Variants in DENND4C observed in about 807,000 individuals in gnomAD.
DENND4C encodes the protein DENN domain-containing protein 4C.
In DENND4C, 108 loss-of-function variants were observed where a neutral mutation model predicts 203.0. The ratio of observed to expected loss-of-function variants is 0.53; its 90% CI spans 0.46 to 0.62. The LOEUF (loss-of-function observed/expected upper bound fraction) is 0.62, where lower values mean the gene tolerates loss of function less well. Among genes scored for constraint, DENND4C ranks in the 20% least tolerant of loss-of-function variants. The probability of loss-of-function intolerance (pLI) is 0.00; values close to 1 mark genes in which losing one functional copy is unlikely to be tolerated. For synonymous variants in DENND4C, 871 were observed against 792.4 expected (o/e 1.10, Z -1.67); for missense variants, 2,481 against 2,301.2 (o/e 1.08, Z -1.60).
chr9:19,373,963 A>G lies in DENND4C; in HGVS notation c.*1790A>G, dbSNP rs900515422. Among the ~76,000 whole-genome samples, 5 of 152,202 alleles carry G rather than the reference A, an allele frequency of 3.3e-5. No individual in the cohort carries two copies. Among genetic ancestry groups the G allele is most frequent in the African/African-American group, 9.6e-5 (4 of 41,460 alleles). ...TGAAACAATTTGTCAGAAATTATGT[A>G]CAATTTTCATTACCTTCAAAATGGA... is the stretch of plus-strand genomic sequence containing the variant. On this transcript the variant is annotated 3_prime_UTR_variant, in exon 33 of 33. Transcript: ENST00000434457.
At chr9:19,279,337 G>T (rs894326356) in intron 2 of DENND4C, among the ~76,000 whole-genome samples, 1 of 151,434 alleles carries the variant, frequency 6.6e-6, no homozygotes, top group East Asian at 2.0e-4. Context: ...GCTGAGGTGG[G>T]AGGAGGATTG....
intron 9 of DENND4C, among the ~76,000 whole-genome samples, chr9:19,302,171 T>C (rs2131335871): frequency 6.6e-6 from 1 of 152,326 alleles, no homozygotes; most frequent in South Asian, 2.1e-4. Context: ...TTATAAGTCA[T>C]GATTTGGTAG....
intron 26 of DENND4C, 138 bp from the exon 27 acceptor site, chr9:19,356,834 A>G (rs1351156653): frequency 1.3e-6 from 1 of 749,624 alleles, no homozygotes; most frequent in African/African-American, 1.8e-5. Context: ...TGTATTGGAA[A>G]TAGGCCGTGT....
Position 19,330,517 on chromosome 9 carries a change from T to A in DENND4C, c.2254-1461T>A, listed in dbSNP as rs1429948248. ...AACACGCCCAACTAATTTTTGTATT[T>A]TTAGTAGAGACAGGGCTTTACCATG... On this transcript the variant is annotated intron_variant, in intron 16 of 32. Coordinates refer to ENST00000434457, the MANE Select transcript of DENND4C (RefSeq NM_001330640.2). 4.0e-5 allele frequency among the ~76,000 whole-genome samples: 6 copies of A among 151,862 alleles called. No homozygotes were observed. In the East Asian group the frequency reaches 1.2e-3, roughly 30 times the overall value.
chr9:19,359,864 C>T (rs1826105528), intron 28 of DENND4C, among the ~76,000 whole-genome samples: 1 of 151,996 alleles, frequency 6.6e-6, no homozygotes, highest in South Asian at 2.1e-4. Context: ...CAAAAGATTG[C>T]CCCATCAGTT....
At chr9:19,250,766 C>T (rs768148725) in intron 1 of DENND4C, among the ~76,000 whole-genome samples, 2 of 152,218 alleles carry the variant, frequency 1.3e-5, no homozygotes, top group African/African-American at 2.4e-5. Flanking sequence ...GTGGTCAAGT[C>T]TTAAAGCTCC....
At chr9:19,343,794 T>C (rs898157959) in intron 22 of DENND4C, among the ~76,000 whole-genome samples, 2 of 152,252 alleles carry the variant, frequency 1.3e-5, no homozygotes, top group Admixed American at 1.3e-4. Context: ...GACTGTTGTG[T>C]TTCCTTCCCT....
chr9:19,323,394 C>T (rs759828841), intron 12 of DENND4C, among the ~76,000 whole-genome samples: 96 of 150,882 alleles, frequency 6.4e-4, no homozygotes, highest in Non-Finnish European at 1.2e-3. Flanking sequence ...CACATTACTG[C>T]ACTCCAGCCT....
rs1821511291 is a variant in DENND4C, at chr9:19,341,071, G to C, written c.2961G>C (p.Gln987His). The C allele has an allele frequency of 3.7e-6, 6 of 1,612,756 alleles. No homozygotes were observed. Among genetic ancestry groups the C allele is most frequent in the Non-Finnish European group, 5.1e-6 (6 of 1,179,466 alleles). The change falls in exon 21 of 33, where the codon CAG becomes CAC. Residue 987 changes from glutamine to histidine, a missense_variant. By Grantham distance (24) the Gln-to-His change is conservative. Transcript: ENST00000434457. ...DDAEIHVPEE[Q>H]AARELITKTK... The stretch of plus-strand genomic sequence containing the variant: ...CAGAAATTCATGTGCCTGAAGAACA[G>C]GCAGCAAGAGAATTGATAACTAAAA...
intron 12 of DENND4C, among the ~76,000 whole-genome samples, chr9:19,318,244 G>A (rs1166348588): frequency 2.0e-5 from 3 of 152,064 alleles, no homozygotes; most frequent in South Asian, 2.1e-4. Context: ...ACTTGAACTC[G>A]GGAGATGGAG....
At chr9:19,361,265 AAGTT>A (rs1337702587) in intron 29 of DENND4C, among the ~76,000 whole-genome samples, 3 of 152,314 alleles carry the variant, frequency 2.0e-5, no homozygotes, top group Middle Eastern at 3.4e-3. Context: ...TTATAATTAA[AAGTT>A]AGAGAAATTT....
intron 1 of DENND4C, among the ~76,000 whole-genome samples, chr9:19,253,369 A>G (rs1158452584): frequency 6.6e-6 from 1 of 152,050 alleles, no homozygotes; most frequent in Non-Finnish European, 1.5e-5. Context: ...CTTCTTTATA[A>G]CCCTCTTATG....
At chr9:19,371,589 T>C (rs1422615229) in intron 31 of DENND4C, 167 bp from the exon 32 acceptor site, 2 of 421,016 alleles carry the variant, frequency 4.8e-6, no homozygotes, top group Non-Finnish European at 8.6e-6. Context: ...CCTCCAAATG[T>C]GACACCTCAT....
chr9:19,242,686 C>T (rs1395154900), intron 1 of DENND4C, among the ~76,000 whole-genome samples: 1 of 151,336 alleles, frequency 6.6e-6, no homozygotes, highest in Non-Finnish European at 1.5e-5. Flanking sequence ...GACGGAGTCT[C>T]CATTTGTTAA....
chr9:19,357,695 AC>A, intron 27 of DENND4C: 1 of 312,312 alleles, frequency 3.2e-6, no homozygotes, highest in South Asian at 8.8e-5. Context: ...GAGTAAAGCA[AC>A]TGAATGGGTA....
chr9:19,370,981 T>A (rs979137382), intron 31 of DENND4C, among the ~76,000 whole-genome samples: 2 of 152,214 alleles, frequency 1.3e-5, no homozygotes, highest in Admixed American at 6.5e-5. Context: ...GAGATGACCT[T>A]CTTCACAGTC....
chr9:19,274,751 AGT>A (rs1211911391), intron 1 of DENND4C, among the ~76,000 whole-genome samples: 2 of 152,228 alleles, frequency 1.3e-5, no homozygotes, highest in Non-Finnish European at 2.9e-5. Flanking sequence ...AAAGCACAAG[AGT>A]TCTAACTGGA....
chr9:19,320,437 G>T (rs1041336275), intron 12 of DENND4C, among the ~76,000 whole-genome samples: 1 of 152,210 alleles, frequency 6.6e-6, no homozygotes, highest in African/African-American at 2.4e-5. Context: ...GACCTCAGGT[G>T]ATCTGCCTGC....
At chr9:19,371,915 A>G in intron 32 of DENND4C, 95 bp downstream of exon 32, 1 of 1,321,036 alleles carries the variant, frequency 7.6e-7, no homozygotes, top group Non-Finnish European at 1.0e-6. Context: ...AAAAGATTTA[A>G]AAGATTTCTA....
Sources: allele counts gnomAD v4.1 joint callset (sites outside exome capture counted in the v4.1 genomes callset), GRCh38; gene constraint gnomAD v4.1.1; transcripts MANE v1.5; gene names NCBI Gene and HGNC (gene_info 2026-07-23, HGNC 2026-07-21).